The following TPST1 variants were observed in gnomAD, a reference collection of about 807,000 sequenced individuals.
TPST1 encodes the protein tyrosylprotein sulfotransferase 1, also known as protein-tyrosine sulfotransferase 1.
In TPST1, 20 loss-of-function variants were observed where a neutral mutation model predicts 34.8. The observed-to-expected ratio is 0.57, with a 90% confidence interval of 0.40 to 0.84. TPST1 has a LOEUF of 0.84. Ranked by LOEUF, TPST1 falls within the 40% of genes least tolerant of loss-of-function variation. TPST1 has a pLI of 0.00. For missense variants in TPST1, 353 were observed against 455.5 expected, an observed-to-expected ratio of 0.78 and a Z score of 2.05; for synonymous variants, 152 against 159.4, an observed-to-expected ratio of 0.95 and a Z score of 0.35.
At chr7:66,300,166 C>G (rs750800758) in intron 3 of TPST1, among the ~76,000 whole-genome samples, 4 of 152,124 alleles carry the variant, frequency 2.6e-5, no homozygotes, top group Admixed American at 6.5e-5. Context: ...CTAGACCATT[C>G]AGGGTGGTGG....
intron 2 of TPST1, among the ~76,000 whole-genome samples, chr7:66,253,423 T>C (rs934712237): frequency 2.7e-5 from 4 of 149,798 alleles, no homozygotes; most frequent in African/African-American, 9.9e-5. Context: ...CACGCTGGAG[T>C]GCAGTGGCAC....
At chr7:66,207,692 A>G (rs1271153233) in intron 1 of TPST1, among the ~76,000 whole-genome samples, 3 of 152,088 alleles carry the variant, frequency 2.0e-5, no homozygotes, top group Non-Finnish European at 2.9e-5. Flanking sequence ...GTTTTCAAAG[A>G]CGTCTATTTA....
At chr7:66,269,107 C>G (rs1790648030) in intron 2 of TPST1, among the ~76,000 whole-genome samples, 1 of 152,134 alleles carries the variant, frequency 6.6e-6, no homozygotes, top group Non-Finnish European at 1.5e-5. Context: ...GGTTGATTAG[C>G]ACCAAAGAGA....
At chr7:66,216,736 G>T (rs1789418814) in intron 1 of TPST1, among the ~76,000 whole-genome samples, 1 of 152,178 alleles carries the variant, frequency 6.6e-6, no homozygotes, top group Non-Finnish European at 1.5e-5. Context: ...CCAAAGTGCT[G>T]GGATTACAGG....
chr7:66,324,820 A>C (rs4429998), intron 3 of TPST1, among the ~76,000 whole-genome samples: 83,936 of 139,930 alleles, frequency 0.6, 26,144 homozygotes, highest in African/African-American at 0.72. Context: ...AAAAAAAAAA[A>C]AAAAAAAAAA....
chr7:66,346,186 T>C (rs199525223), intron 3 of TPST1, among the ~76,000 whole-genome samples: 1 of 2,756 alleles, frequency 3.6e-4, no homozygotes, highest in South Asian at 3.9e-3. Context: ...GAATAGTACA[T>C]ATATATATAT....
rs768133948 is a variant in TPST1 at position 66,240,951 on chromosome 7, A to C, written c.526A>C (p.Asn176His). 2 of 1,614,020 alleles carry C rather than the reference A, an allele frequency of 1.2e-6. No individual in the cohort carries two copies. Among genetic ancestry groups the C allele is most frequent in the African/African-American group, 2.7e-5 (2 of 74,910 alleles). ...AACTTACCTTTCTAGGTTATTCCCC[A>C]ATGCCAAATTTCTCCTGATGGTCCG... ...SLTYLSRLFP[N>H]AKFLLMVRDG... The change falls in exon 2 of 6, where the codon AAT (asparagine) becomes CAT (histidine). Residue 176 changes from asparagine to histidine, a missense_variant. Coordinates refer to ENST00000304842, the MANE Select transcript of TPST1 (RefSeq NM_003596.4).
chr7:66,325,822 G>A lies in TPST1; in HGVS notation c.1045-26683G>A, dbSNP rs375049403. 3.9e-5 allele frequency among the ~76,000 whole-genome samples: 6 copies of A among 152,150 alleles called. No individual in the cohort carries two copies. The East Asian group carries it at 1.2e-3, about 29-fold the overall frequency. ...GGCTAATTTTTGTATTTTTAGTAGA[G>A]ACAGGGTTTCACCATGTTGGCCAGG... On this transcript the variant is annotated intron_variant, in intron 3 of 5. Transcript: ENST00000304842.
At chr7:66,267,864 CAT>C (rs1337625423) in intron 2 of TPST1, among the ~76,000 whole-genome samples, 1 of 152,186 alleles carries the variant, frequency 6.6e-6, no homozygotes. Context: ...AATGCATACA[CAT>C]ATTGTACATG....
intron 2 of TPST1, among the ~76,000 whole-genome samples, chr7:66,281,206 A>G (rs374785940): frequency 6.6e-6 from 1 of 152,098 alleles, no homozygotes; most frequent in East Asian, 1.9e-4. Flanking sequence ...TTAGCTTTTG[A>G]TGTGCTTCTA....
At chr7:66,303,794 A>G (rs1167324484) in intron 3 of TPST1, among the ~76,000 whole-genome samples, 1 of 152,236 alleles carries the variant, frequency 6.6e-6, no homozygotes, top group Non-Finnish European at 1.5e-5. Context: ...CCTGAGTGCC[A>G]GTAATACTTG....
intron 2 of TPST1, among the ~76,000 whole-genome samples, chr7:66,265,816 A>G (rs534854141): frequency 3.3e-5 from 5 of 152,322 alleles, no homozygotes; most frequent in East Asian, 1.9e-4. Context: ...ACCAGTAACT[A>G]TGGTGCCCAG....
chr7:66,316,914 G>A (rs766023561), intron 3 of TPST1, among the ~76,000 whole-genome samples: 5 of 152,162 alleles, frequency 3.3e-5, no homozygotes, highest in Non-Finnish European at 1.5e-5. Context: ...ACACTGGGGT[G>A]TACTGGAGGG....
intron 3 of TPST1, among the ~76,000 whole-genome samples, chr7:66,308,954 A>C (rs1791477030): frequency 6.6e-6 from 1 of 152,192 alleles, no homozygotes; most frequent in Non-Finnish European, 1.5e-5. Context: ...GCTGGAGTGC[A>C]ATGGCACTGT....
At chr7:66,300,392 A>G (rs1024296503) in intron 3 of TPST1, among the ~76,000 whole-genome samples, 6 of 152,168 alleles carry the variant, frequency 3.9e-5, no homozygotes, top group African/African-American at 1.2e-4. Context: ...ACTTCTAGTT[A>G]TAGTTCTTTT....
chr7:66,245,504 T>C (rs1435878454), intron 2 of TPST1, among the ~76,000 whole-genome samples: 1 of 152,156 alleles, frequency 6.6e-6, no homozygotes, highest in Non-Finnish European at 1.5e-5. Context: ...TGATTAGATA[T>C]CAAGGGTAGG....
rs1159773631 is a variant in TPST1, at chr7:66,260,639, A to AT, written c.845+19375dup. On this transcript the variant is annotated intron_variant, in intron 2 of 5. Transcript: ENST00000304842. The stretch of plus-strand genomic sequence containing the variant: ...AATTTTACTTTTTTGGTTGCTGGAT[A>AT]TTTTTTGTTTGTTTTATTTTTGTTT... 2.6e-5 allele frequency among the ~76,000 whole-genome samples: 4 copies of AT among 151,936 alleles called. No homozygotes were observed. In the East Asian group the frequency reaches 7.7e-4, roughly 29 times the overall value.
chr7:66,320,612 G>A (rs1311268592), intron 3 of TPST1, among the ~76,000 whole-genome samples: 1 of 148,494 alleles, frequency 6.7e-6, no homozygotes, highest in Non-Finnish European at 1.5e-5. Context: ...TTTTTTTTGT[G>A]TGTGTGATGG....
At chr7:66,311,717 G>A (rs1027507807) in intron 3 of TPST1, among the ~76,000 whole-genome samples, 1 of 152,168 alleles carries the variant, frequency 6.6e-6, no homozygotes, top group African/African-American at 2.4e-5. Context: ...TGCCATAGAA[G>A]AAAATGAAAT....
Sources: allele counts gnomAD v4.1 joint callset (sites outside exome capture counted in the v4.1 genomes callset), GRCh38; gene constraint gnomAD v4.1.1; transcripts MANE v1.5; gene names NCBI Gene and HGNC (gene_info 2026-07-23, HGNC 2026-07-21).